Variants in TGM6 observed in about 807,000 individuals in gnomAD.
TGM6 encodes transglutaminase 6, also known as protein-glutamine gamma-glutamyltransferase 6.
A neutral mutation model predicts 77.5 loss-of-function variants in TGM6; 74 were observed. The ratio of observed to expected loss-of-function variants is 0.96; its 90% CI spans 0.79 to 1.16. The LOEUF (loss-of-function observed/expected upper bound fraction) is 1.16, where lower values mean the gene tolerates loss of function less well. TGM6 is among the 50% of genes most tolerant of loss of function. TGM6 has a pLI of 0.00. For missense variants in TGM6, 968 were observed against 940.2 expected (o/e 1.03, Z -0.39); for synonymous variants, 383 against 378.9 (o/e 1.01, Z -0.12).
At chr20:2,397,338 A>T (rs914379714) in intron 4 of TGM6, among the ~76,000 whole-genome samples, 3 of 152,252 alleles carry the variant, frequency 2.0e-5, no homozygotes, top group East Asian at 1.9e-4. Flanking sequence ...TGGAAGAAAG[A>T]CTGGACTTGA....
chr20:2,400,518 A>T (rs1383910611), intron 7 of TGM6, 74 bp downstream of exon 7: 1 of 1,602,822 alleles, frequency 6.2e-7, no homozygotes, highest in African/African-American at 1.3e-5. Context: ...ATCTTCCATA[A>T]CACCACCAGG....
At chr20:2,416,721 G>A (rs2084818810) in intron 9 of TGM6, among the ~76,000 whole-genome samples, 1 of 152,166 alleles carries the variant, frequency 6.6e-6, no homozygotes, top group South Asian at 2.1e-4. Flanking sequence ...CCCAGCTCCT[G>A]AGTCAAGTCC....
In TGM6 at chr20:2,417,420, C is replaced by T. The variant is rs1314381827; in HGVS notation, c.1525C>T (p.His509Tyr). 6.2e-7 allele frequency: 1 copy of T among 1,613,160 alleles called. No individual in the cohort carries two copies. The highest frequency in any genetic ancestry group is 1.1e-5 in the South Asian group (1 of 91,086). ...GGTGCTAGAGCCTCCCATGCTGGGC[C>T]ACGACCTGAGACTGGCCCTGTGCTT... is the stretch of plus-strand genomic sequence containing the variant. Reference protein sequence around the residue: ...FKVLEPPMLGHDLRLALCLAN... With the variant: ...FKVLEPPMLGYDLRLALCLAN... Residue 509 changes from histidine to tyrosine, a missense_variant, in exon 10 of 13, where the codon CAC becomes TAC. Physicochemically the swap from His to Tyr is moderately conservative, Grantham distance 83. Coordinates refer to ENST00000202625, the MANE Select transcript of TGM6 (RefSeq NM_198994.3).
At chr20:2,409,779 G>A (rs999494689) in intron 9 of TGM6, among the ~76,000 whole-genome samples, 2 of 150,086 alleles carry the variant, frequency 1.3e-5, no homozygotes, top group African/African-American at 4.9e-5. Context: ...GAGGAAACAA[G>A]AAAGATTAAA....
chr20:2,409,568 T>G (rs946258080), intron 9 of TGM6, among the ~76,000 whole-genome samples: 3 of 151,734 alleles, frequency 2.0e-5, no homozygotes, highest in Non-Finnish European at 4.4e-5. Context: ...AAAAATTAAT[T>G]GGGTGTGGGG....
intron 9 of TGM6, among the ~76,000 whole-genome samples, chr20:2,408,402 C>G (rs77537012): frequency 5.8e-4 from 88 of 152,270 alleles, no homozygotes; most frequent in African/African-American, 2.0e-3. Flanking sequence ...GGTCTCAGCA[C>G]CCTATTGACT....
rs147554438 is a variant in TGM6, at chr20:2,403,678, C to T, written c.1191C>T (p.Ala397=). 36 of 1,614,198 alleles carry T rather than the reference C, an allele frequency of 2.2e-5. No individual in the cohort carries two copies. The Middle Eastern group carries it at 1.8e-3, about 81-fold the overall frequency. The part of the protein sequence containing the change: ...DGPFVFAEVN[A]DYITWLWHED... The stretch of plus-strand genomic sequence containing the variant: ...CCTTCGTGTTTGCGGAGGTCAACGC[C>T]GACTACATCACCTGGCTGTGGCACG... Residue 397 remains alanine, a synonymous_variant, in exon 9 of 13, where the codon GCC becomes GCT. Coordinates refer to ENST00000202625, the MANE Select transcript of TGM6 (RefSeq NM_198994.3).
At position 2,400,382 on chromosome 20, in the gene TGM6, T is replaced by A; in HGVS notation, c.927T>A (p.Ser309Arg). The A allele has an allele frequency of 1.2e-6, 2 of 1,614,022 alleles. No individual in the cohort carries two copies. The highest frequency in any genetic ancestry group is 1.7e-6 in the Non-Finnish European group (2 of 1,179,996). ...CCCACGACACAGACCAGAACCTGAGTGTGGACAAATACGTGGACTCCTTCG... is the reference window on the plus strand; with the variant it reads ...CCCACGACACAGACCAGAACCTGAGAGTGGACAAATACGTGGACTCCTTCG... ...NSAHDTDQNLSVDKYVDSFGR... is the reference protein window; with the variant it reads ...NSAHDTDQNLRVDKYVDSFGR... Residue 309 changes from serine (S) to arginine (R), a missense_variant, in exon 7 of 13, where the codon AGT (serine) becomes AGA (arginine). By Grantham distance (110) the Ser-to-Arg change is moderately radical. Coordinates refer to ENST00000202625, the MANE Select transcript of TGM6 (RefSeq NM_198994.3).
chr20:2,383,857 T>C (rs1420768027), intron 1 of TGM6, among the ~76,000 whole-genome samples: 6 of 152,154 alleles, frequency 3.9e-5, no homozygotes, highest in Non-Finnish European at 8.8e-5. Flanking sequence ...CCTGTCATCA[T>C]AGCACTTTGC....
intron 9 of TGM6, 87 bp downstream of exon 9, chr20:2,403,910 C>T: frequency 1.9e-6 from 3 of 1,606,360 alleles, no homozygotes; most frequent in Non-Finnish European, 2.6e-6. Flanking sequence ...TGGAGCCAGG[C>T]CTCACCCCAT....
Position 2,380,909 on chromosome 20 carries a change from C to G in TGM6, c.-60C>G. On this transcript the variant is annotated 5_prime_UTR_variant, in exon 1 of 13. Coordinates refer to ENST00000202625, the MANE Select transcript of TGM6 (RefSeq NM_198994.3). ...TGGCTGGCTGCTGTGACGCGCCACACTGTCCTGACGGTGCACACACTGCTG... is the reference window on the plus strand; with the variant it reads ...TGGCTGGCTGCTGTGACGCGCCACAGTGTCCTGACGGTGCACACACTGCTG... 1 of 1,593,132 alleles carries G rather than the reference C, an allele frequency of 6.3e-7. No homozygotes were observed. Among genetic ancestry groups the G allele is most frequent in the Non-Finnish European group, 8.5e-7 (1 of 1,171,548 alleles).
intron 9 of TGM6, among the ~76,000 whole-genome samples, chr20:2,411,757 T>C (rs992873964): frequency 6.6e-6 from 1 of 152,082 alleles, no homozygotes; most frequent in African/African-American, 2.4e-5. Flanking sequence ...TATAGAAAAA[T>C]TAACTGAAAA....
intron 1 of TGM6, among the ~76,000 whole-genome samples, chr20:2,393,166 T>C (rs574957309): frequency 2.0e-5 from 3 of 152,384 alleles, no homozygotes; most frequent in African/African-American, 7.2e-5. Flanking sequence ...CTGCACTTTC[T>C]TGGCCATTCA....
At chr20:2,421,536 G>A (rs568564695) in intron 10 of TGM6, among the ~76,000 whole-genome samples, 1 of 152,290 alleles carries the variant, frequency 6.6e-6, no homozygotes, top group East Asian at 1.9e-4. Flanking sequence ...AATGACATAT[G>A]ACATTGAGCA....
chr20:2,425,422 G>T (rs1226462710), intron 10 of TGM6, among the ~76,000 whole-genome samples: 1 of 148,272 alleles, frequency 6.7e-6, no homozygotes, highest in South Asian at 2.2e-4. Context: ...TTATAGAGTT[G>T]CCTGACTCAG....
intron 10 of TGM6, among the ~76,000 whole-genome samples, chr20:2,420,642 ATCCCTCCT>A (rs954998675): frequency 4.6e-5 from 7 of 152,110 alleles, no homozygotes; most frequent in African/African-American, 1.7e-4. Context: ...CCACCTATTC[ATCCCTCCT>A]TCCCTTGCCT....
At position 2,397,969 on chromosome 20, in the gene TGM6, G is replaced by A. The variant is rs182249285; in HGVS notation, c.595G>A (p.Gly199Ser). 3.3e-5 allele frequency: 53 copies of A among 1,614,038 alleles called. No individual in the cohort carries two copies. The East Asian group carries it at 5.1e-4, about 16-fold the overall frequency. The change falls in exon 5 of 13, where the codon GGT (glycine) becomes AGT (serine). Residue 199 changes from glycine (G) to serine (S), a missense_variant. Physicochemically the swap from Gly to Ser is moderately conservative, Grantham distance 56. Transcript: ENST00000202625. ...CCTCTCCATCCTGGATCGAAGCCCC[G>A]GTCACCAAAACAACCCAGCCACCGA... ...ICLSILDRSP[G>S]HQNNPATDVS...
rs560806556 is a variant in TGM6 at position 2,418,843 on chromosome 20, A to G, written c.1678+1270A>G. Reference sequence around the variant, plus strand: ...TGTAATCCTAGCATTTTGGGAGGCCAAGGCGGGTGGATCACGAGGTCAGGA... The same window carrying G: ...TGTAATCCTAGCATTTTGGGAGGCCGAGGCGGGTGGATCACGAGGTCAGGA... On this transcript the variant is annotated intron_variant, in intron 10 of 12. Transcript: ENST00000202625. Among the ~76,000 whole-genome samples the G allele has an allele frequency of 6.6e-5, 10 of 151,946 alleles. No individual in the cohort carries two copies. The South Asian group carries it at 1.2e-3, about 19-fold the overall frequency.
chr20:2,384,106 C>CAA (rs35843804), intron 1 of TGM6, among the ~76,000 whole-genome samples: 2,554 of 84,444 alleles, frequency 0.03, 96 homozygotes, highest in African/African-American at 0.099. Context: ...GACTCCGTCT[C>CAA]AAAAAAAAAA....
Sources: allele counts gnomAD v4.1 joint callset (sites outside exome capture counted in the v4.1 genomes callset), GRCh38; gene constraint gnomAD v4.1.1; transcripts MANE v1.5; gene names NCBI Gene and HGNC (gene_info 2026-07-23, HGNC 2026-07-21).